Variants in LRP1B observed in about 807,000 individuals in gnomAD.
LRP1B encodes low-density lipoprotein receptor-related protein 1B.
A neutral mutation model predicts 556.6 loss-of-function variants in LRP1B; 217 were observed. That is an observed-to-expected ratio of 0.39 (90% CI 0.35 to 0.44). The LOEUF (loss-of-function observed/expected upper bound fraction) is 0.44. Ranked by LOEUF, LRP1B falls within the 20% of genes least tolerant of loss-of-function variation. The pLI is 1.00. For missense variants in LRP1B, 5,053 were observed against 5,620.8 expected, an observed-to-expected ratio of 0.90 and a Z score of 3.23; for synonymous variants, 2,047 against 1,865.8, an observed-to-expected ratio of 1.10 and a Z score of -2.50.
chr2:141,178,934 T>A (rs1186515462), intron 7 of LRP1B, among the ~76,000 whole-genome samples: 1 of 152,096 alleles, frequency 6.6e-6, no homozygotes, highest in Non-Finnish European at 1.5e-5. Flanking sequence ...TATAATTTAA[T>A]TGTATTAAGT....
At chr2:140,588,399 A>C (rs1206375445) in intron 43 of LRP1B, among the ~76,000 whole-genome samples, 1 of 152,230 alleles carries the variant, frequency 6.6e-6, no homozygotes, top group African/African-American at 2.4e-5. Flanking sequence ...GCAGTACCTA[A>C]AGCAACTGCT....
At chr2:141,224,864 T>A (rs549806089) in intron 6 of LRP1B, among the ~76,000 whole-genome samples, 11 of 152,052 alleles carry the variant, frequency 7.2e-5, no homozygotes, top group Non-Finnish European at 4.4e-5. Context: ...AGTTAATGAA[T>A]GTTGGGCTTA....
chr2:141,630,470 C>T (rs1292776659), intron 2 of LRP1B, among the ~76,000 whole-genome samples: 1 of 152,188 alleles, frequency 6.6e-6, no homozygotes, highest in African/African-American at 2.4e-5. Flanking sequence ...AATTCCAACT[C>T]AGTCTTTCAT....
chr2:141,124,113 T>C (rs1363657313), intron 7 of LRP1B, among the ~76,000 whole-genome samples: 1 of 152,124 alleles, frequency 6.6e-6, no homozygotes, highest in Non-Finnish European at 1.5e-5. Context: ...TCTGACTACT[T>C]AGATAACAAA....
intron 75 of LRP1B, among the ~76,000 whole-genome samples, chr2:140,356,080 A>G (rs1682196926): frequency 2.6e-5 from 4 of 151,900 alleles, no homozygotes; most frequent in Admixed American, 2.6e-4. Context: ...GCATTTCAAA[A>G]CAGTATTGTA....
intron 66 of LRP1B, among the ~76,000 whole-genome samples, chr2:140,430,351 G>A (rs554343806): frequency 6.6e-6 from 1 of 152,230 alleles, no homozygotes; most frequent in South Asian, 2.1e-4. Flanking sequence ...GCTGTTATAT[G>A]CGCTGAAAGA....
At chr2:141,286,930 A>T (rs1324207541) in intron 3 of LRP1B, 1 of 223,648 alleles carries the variant, frequency 4.5e-6, no homozygotes, top group East Asian at 1.1e-4. Flanking sequence ...AGGACTTGAA[A>T]TGAGACTGTG....
chr2:140,502,016 T>G (rs1222382510), intron 54 of LRP1B, 142 bp from the exon 55 acceptor site: 1 of 568,178 alleles, frequency 1.8e-6, no homozygotes, highest in Non-Finnish European at 2.8e-6. Context: ...ACATATTCAG[T>G]ATAATATCTT....
chr2:141,864,869 G>C (rs750885798), intron 1 of LRP1B, among the ~76,000 whole-genome samples: 4 of 149,402 alleles, frequency 2.7e-5, no homozygotes, highest in Non-Finnish European at 6.0e-5. Flanking sequence ...GTGACAGAGT[G>C]AGACTCTGTC....
At chr2:140,628,811 C>T (rs1275875728) in intron 41 of LRP1B, among the ~76,000 whole-genome samples, 1 of 151,944 alleles carries the variant, frequency 6.6e-6, no homozygotes, top group Non-Finnish European at 1.5e-5. Context: ...AGGTGAATTT[C>T]CCTTTGCTGT....
At chr2:141,544,804 T>G (rs1291534061) in intron 2 of LRP1B, among the ~76,000 whole-genome samples, 3 of 152,058 alleles carry the variant, frequency 2.0e-5, no homozygotes, top group Non-Finnish European at 2.9e-5. Context: ...TAGCTGGGAC[T>G]ACAAATGTGC....
rs1491148843 is a variant in LRP1B, at chr2:140,766,844, T to TATATATATATATA, written c.5758+2368_5758+2369insTATATATATATAT. On this transcript the variant is annotated intron_variant, in intron 35 of 90. Coordinates refer to ENST00000389484, the MANE Select transcript of LRP1B (RefSeq NM_018557.3). ...TAAAATATATATATATATATATATA[T>TATATATATATATA]TATATATATATATATATATATAATA... 8.6e-4 allele frequency among the ~76,000 whole-genome samples: 47 copies of TATATATATATATA among 54,910 alleles called. 1 individual carries two copies. Among genetic ancestry groups the TATATATATATATA allele is most frequent in the East Asian group, 3.5e-3 (6 of 1,710 alleles). 36.0% of individuals were successfully genotyped at this position (54,910 alleles called of 152,430 possible). A position where few individuals can be genotyped will look rare whatever the true frequency, so the allele number is the denominator to read the frequency against.
chr2:140,553,296 TA>T (rs1180168632), intron 43 of LRP1B, among the ~76,000 whole-genome samples: 1 of 151,978 alleles, frequency 6.6e-6, no homozygotes, highest in Admixed American at 6.6e-5. Context: ...ATATTTAACT[TA>T]CCTGAGGGAG....
chr2:140,813,109 C>T (rs1317561792), intron 32 of LRP1B, among the ~76,000 whole-genome samples: 2 of 152,112 alleles, frequency 1.3e-5, no homozygotes, highest in African/African-American at 2.4e-5. Context: ...AATCATTTTA[C>T]TTACCTAGCA....
intron 7 of LRP1B, among the ~76,000 whole-genome samples, chr2:141,063,678 C>T (rs908334485): frequency 1.3e-5 from 2 of 151,788 alleles, no homozygotes; most frequent in African/African-American, 4.8e-5. Context: ...CTGTTTTCCT[C>T]ACTTATAAAT....
rs475172 is a variant in LRP1B at position 140,594,235 on chromosome 2, T to C, written c.7194+4396A>G. Among the ~76,000 whole-genome samples, 6 of 152,084 alleles carry C rather than the reference T, an allele frequency of 3.9e-5. No individual in the cohort carries two copies. In the East Asian group the frequency reaches 7.8e-4, roughly 20 times the overall value. On this transcript the variant is annotated intron_variant, in intron 43 of 90. Transcript: ENST00000389484. ...TCCACTTGCCTCAGCCTCCCAAAGC[T>C]CTGGGATAACAGGCATGAGCCACCG...
Position 142,019,173 on chromosome 2 carries a change from T to G in LRP1B, c.82+111475A>C, listed in dbSNP as rs988261193. 5.3e-5 allele frequency among the ~76,000 whole-genome samples: 8 copies of G among 152,342 alleles called. No homozygotes were observed. In the South Asian group the frequency reaches 8.3e-4, roughly 16 times the overall value. On this transcript the variant is annotated intron_variant, in intron 1 of 90. Transcript: ENST00000389484. ...TCCTTTCAAATCTTTTAACTGGTGC[T>G]AACCTTCATTTCATTTTTAATTTTC...
At chr2:140,898,017 G>A (rs1220315035) in intron 23 of LRP1B, among the ~76,000 whole-genome samples, 1 of 151,982 alleles carries the variant, frequency 6.6e-6, no homozygotes, top group Admixed American at 6.6e-5. Context: ...CAACTTTTCG[G>A]TTTAGGAGCT....
At chr2:141,333,118 T>A (rs1687717993) in intron 3 of LRP1B, among the ~76,000 whole-genome samples, 1 of 152,272 alleles carries the variant, frequency 6.6e-6, no homozygotes, top group African/African-American at 2.4e-5. Flanking sequence ...ACTAATTTTT[T>A]ACAGTATAAG....
Sources: gnomAD v4.1 joint callset for allele counts (sites outside exome capture counted in the v4.1 genomes callset) on GRCh38, gnomAD v4.1.1 for gene constraint, MANE v1.5 for transcripts, NCBI Gene and HGNC (gene_info 2026-07-23, HGNC 2026-07-21) for gene names.